Variants in PLXNC1 observed in about 807,000 individuals in gnomAD.
The protein encoded by PLXNC1 is plexin C1.
In PLXNC1, 75 loss-of-function variants were observed where a neutral mutation model predicts 178.2. The ratio of observed to expected loss-of-function variants is 0.42; its 90% CI spans 0.35 to 0.51. PLXNC1 has a LOEUF of 0.51. Among genes scored for constraint, PLXNC1 ranks in the 20% least tolerant of loss-of-function variants. PLXNC1 has a pLI of 0.02. For missense variants in PLXNC1, 1,503 were observed against 1,984.4 expected, an observed-to-expected ratio of 0.76 and a Z score of 4.61; for synonymous variants, 790 against 779.9, an observed-to-expected ratio of 1.01 and a Z score of -0.22.
intron 4 of PLXNC1, among the ~76,000 whole-genome samples, chr12:94,199,384 G>A (rs1054054232): frequency 1.3e-5 from 2 of 152,166 alleles, no homozygotes; most frequent in South Asian, 2.1e-4. Flanking sequence ...CCTCCTTCTC[G>A]TGTGAGGACC....
intron 23 of PLXNC1, among the ~76,000 whole-genome samples, chr12:94,290,433 G>T (rs1409140869): frequency 6.6e-6 from 1 of 152,258 alleles, no homozygotes; most frequent in Non-Finnish European, 1.5e-5. Context: ...GAGCAGAGTC[G>T]AAGAGCTCAG....
In PLXNC1 at chr12:94,243,479, A is replaced by C. The variant is rs73366664; in HGVS notation, c.2301-459A>C. Among the ~76,000 whole-genome samples the C allele has an allele frequency of 1.6e-3, 240 of 152,328 alleles. 1 individual carries two copies. The highest frequency in any genetic ancestry group is 5.6e-3 in the African/African-American group (233 of 41,568). ...GTCATCTGTAATTCTACCTTGCCCA[A>C]AGTGTTTCCTGTCTCTCTAAATAAC... is the stretch of plus-strand genomic sequence containing the variant. On this transcript the variant is annotated intron_variant, in intron 11 of 30. Transcript: ENST00000258526.
At chr12:94,270,165 C>T (rs1432093280) in intron 21 of PLXNC1, among the ~76,000 whole-genome samples, 1 of 152,146 alleles carries the variant, frequency 6.6e-6, no homozygotes, top group Non-Finnish European at 1.5e-5. Flanking sequence ...CCAGATTTGT[C>T]TTGTTGCTAT....
At chr12:94,157,308 A>G (rs1340433595) in intron 1 of PLXNC1, among the ~76,000 whole-genome samples, 1 of 152,208 alleles carries the variant, frequency 6.6e-6, no homozygotes. Context: ...AGTAGCATAC[A>G]GTAGTGTCAA....
intron 23 of PLXNC1, among the ~76,000 whole-genome samples, chr12:94,283,832 C>T (rs573420261): frequency 2.0e-5 from 3 of 152,262 alleles, no homozygotes; most frequent in Admixed American, 2.0e-4. Flanking sequence ...GCCTGTAATC[C>T]CAGCACTTCG....
chr12:94,152,502 A>C (rs1332326587), intron 1 of PLXNC1, among the ~76,000 whole-genome samples: 1 of 152,180 alleles, frequency 6.6e-6, no homozygotes, highest in East Asian at 1.9e-4. Context: ...GAATGATGTC[A>C]TTTGATTGCA....
At chr12:94,255,371 C>A in intron 17 of PLXNC1, 75 bp downstream of exon 17, 2 of 1,015,578 alleles carry the variant, frequency 2.0e-6, no homozygotes, top group Non-Finnish European at 3.1e-6. Flanking sequence ...GTTGTCAAAA[C>A]GAGTGTTTGC....
chr12:94,190,361 G>A (rs886325068), intron 4 of PLXNC1, among the ~76,000 whole-genome samples: 22 of 152,192 alleles, frequency 1.4e-4, no homozygotes, highest in African/African-American at 5.3e-4. Context: ...TTCCACTGCA[G>A]TCTCCCAAGT....
chr12:94,151,041 A>T (rs1421132289), intron 1 of PLXNC1, among the ~76,000 whole-genome samples: 1 of 152,178 alleles, frequency 6.6e-6, no homozygotes, highest in Non-Finnish European at 1.5e-5. Context: ...CGGCTGGCAC[A>T]TCAACTCCAC....
rs1555196308 is a variant in PLXNC1, at chr12:94,182,907, CATCT to C, written c.1338+1342_1338+1345del. 8.2e-4 allele frequency among the ~76,000 whole-genome samples: 110 copies of C among 133,854 alleles called. 3 individuals carry two copies. The East Asian group carries it at 0.023, about 27-fold the overall frequency. 87.8% of individuals were successfully genotyped at this position (133,854 alleles called of 152,430 possible). A position where few individuals can be genotyped will look rare whatever the true frequency, so the allele number is the denominator to read the frequency against. ...TCTATCTATCTATCTATCTATCTAT[CATCT>C]ATCTATCTATCTATAGGTTAGCCTT... On this transcript the variant is annotated intron_variant, in intron 3 of 30. Transcript: ENST00000258526.
intron 2 of PLXNC1, among the ~76,000 whole-genome samples, chr12:94,178,447 A>G (rs1962183676): frequency 6.6e-6 from 1 of 152,226 alleles, no homozygotes; most frequent in Non-Finnish European, 1.5e-5. Flanking sequence ...TATTTCTATC[A>G]GTGTTTGTTT....
At position 94,307,066 on chromosome 12, in the gene PLXNC1, T is replaced by C. The variant is rs1386932466; in HGVS notation, c.*1781T>C. ...GACTTCCCCTACTACTTTAGGGTAC[T>C]GAAAACTCAAAGGATCAGCTACAGC... On this transcript the variant is annotated 3_prime_UTR_variant, in exon 31 of 31. Coordinates refer to ENST00000258526, the MANE Select transcript of PLXNC1 (RefSeq NM_005761.3). 1 of 152,186 alleles carries C rather than the reference T, an allele frequency of 6.6e-6. No homozygotes were observed. Among genetic ancestry groups the C allele is most frequent in the Non-Finnish European group, 1.5e-5 (1 of 68,038 alleles). The allele number at this position is 152,186 out of a possible 1,614,324, so 9.4% of individuals were successfully genotyped here. A position where few individuals can be genotyped will look rare whatever the true frequency, so the allele number is the denominator to read the frequency against.
chr12:94,150,618 A>G (rs1290239943), intron 1 of PLXNC1, among the ~76,000 whole-genome samples: 1 of 152,246 alleles, frequency 6.6e-6, no homozygotes, highest in Non-Finnish European at 1.5e-5. Flanking sequence ...CCAGCCTGCA[A>G]CAGAGGCTTG....
At position 94,199,106 on chromosome 12, in the gene PLXNC1, G is replaced by A. The variant is rs148331013; in HGVS notation, c.1440-10484G>A. On this transcript the variant is annotated intron_variant, in intron 4 of 30. Transcript: ENST00000258526. ...GAGGCAGGGGGCGCTAAATTTAAAC[G>A]GGAGCCCTGGAAGGCCTCAGTGAGA... 1.8e-3 allele frequency among the ~76,000 whole-genome samples: 267 copies of A among 152,312 alleles called. 2 individuals are homozygous for A. The highest frequency in any genetic ancestry group is 6.1e-3 in the African/African-American group (254 of 41,574).
chr12:94,184,009 C>A (rs973727929), intron 3 of PLXNC1, among the ~76,000 whole-genome samples: 3 of 152,060 alleles, frequency 2.0e-5, no homozygotes, highest in Non-Finnish European at 4.4e-5. Flanking sequence ...TGATACGGGG[C>A]CGCTAAAAAT....
At chr12:94,235,582 G>A (rs1274991832) in intron 9 of PLXNC1, among the ~76,000 whole-genome samples, 2 of 152,184 alleles carry the variant, frequency 1.3e-5, no homozygotes, top group African/African-American at 2.4e-5. Context: ...TAAGAAGACA[G>A]TGGACTCCTC....
At chr12:94,273,708 C>G (rs998175343) in intron 21 of PLXNC1, among the ~76,000 whole-genome samples, 8 of 152,174 alleles carry the variant, frequency 5.3e-5, no homozygotes, top group African/African-American at 1.9e-4. Flanking sequence ...TTTGTATCAC[C>G]TACAGTGCCC....
chr12:94,228,848 A>G (rs1334950507), intron 9 of PLXNC1, among the ~76,000 whole-genome samples: 1 of 152,226 alleles, frequency 6.6e-6, no homozygotes, highest in African/African-American at 2.4e-5. Context: ...TATGATGAAT[A>G]ATGCTACTAG....
chr12:94,219,530 C>T (rs1013183987), intron 5 of PLXNC1, among the ~76,000 whole-genome samples: 21 of 151,850 alleles, frequency 1.4e-4, no homozygotes, highest in Non-Finnish European at 8.8e-5. Flanking sequence ...ACTTTATAGC[C>T]GAGACAAGAA....
Sources: allele counts gnomAD v4.1 joint callset (sites outside exome capture counted in the v4.1 genomes callset), GRCh38; gene constraint gnomAD v4.1.1; transcripts MANE v1.5; gene names NCBI Gene and HGNC (gene_info 2026-07-23, HGNC 2026-07-21).